The following DYNLL1 variants were observed in gnomAD, a reference collection of about 807,000 sequenced individuals.
DYNLL1 encodes dynein light chain LC8-type 1, also known as dynein light chain 1, cytoplasmic.
A neutral mutation model predicts 10.1 loss-of-function variants in DYNLL1; 3 were observed. The observed-to-expected ratio is 0.30, with a 90% CI of 0.14 to 0.77. The LOEUF is 0.77. Ranked by LOEUF, DYNLL1 falls within the 30% of genes least tolerant of loss-of-function variation. DYNLL1 has a pLI of 0.66. For missense variants in DYNLL1, 47 were observed against 111.7 expected, an observed-to-expected ratio of 0.42 and a Z score of 2.61; for synonymous variants, 46 against 41.2, an observed-to-expected ratio of 1.12 and a Z score of -0.45.
At chr12:120,480,949 T>C (rs907279907) in intron 1 of DYNLL1, among the ~76,000 whole-genome samples, 67 of 152,044 alleles carry the variant, frequency 4.4e-4, no homozygotes, top group Admixed American at 2.0e-3. Context: ...TTAGTAGACA[T>C]GGGGTTTCAC....
Position 120,496,114 on chromosome 12 carries a change from G to C in DYNLL1, c.-109G>C. ...GCGGCGGCTGGCGTGGGGCTGCTTA[G>C]ATGCGCCACGGTTTCGGTAGCGACG... On this transcript the variant is annotated 5_prime_UTR_variant, in exon 1 of 3. Coordinates refer to ENST00000242577, the MANE Select transcript of DYNLL1 (RefSeq NM_003746.3). The C allele has an allele frequency of 2.1e-6, 1 of 487,118 alleles. No homozygotes were observed. The highest frequency in any genetic ancestry group is 2.3e-5 in the South Asian group (1 of 43,778). 30.2% of individuals were successfully genotyped at this position (487,118 alleles called of 1,614,324 possible). A position where few individuals can be genotyped will look rare whatever the true frequency, so the allele number is the denominator to read the frequency against.
chr12:120,485,234 AGTTAT>A (rs1207816781), intron 1 of DYNLL1, among the ~76,000 whole-genome samples: 1 of 146,508 alleles, frequency 6.8e-6, no homozygotes, highest in Non-Finnish European at 1.5e-5. Flanking sequence ...ATAAGTAAAT[AGTTAT>A]GTTGTAGAAG....
chr12:120,497,744 A>C (rs1463194991), intron 2 of DYNLL1: 1 of 246,848 alleles, frequency 4.1e-6, no homozygotes, highest in Non-Finnish European at 7.8e-6. Context: ...GAACATGATA[A>C]ACTACACCTG....
At chr12:120,473,797 A>G (rs963291430) in intron 1 of DYNLL1, among the ~76,000 whole-genome samples, 2 of 151,652 alleles carry the variant, frequency 1.3e-5, no homozygotes, top group African/African-American at 2.4e-5. Context: ...TGATCCGCCC[A>G]TCTCGGCCTC....
chr12:120,476,336 T>A (rs1325501523), intron 1 of DYNLL1, among the ~76,000 whole-genome samples: 28 of 149,346 alleles, frequency 1.9e-4, no homozygotes, highest in African/African-American at 5.7e-4. Context: ...TAAAAAAAAA[T>A]AATAATAACT....
chr12:120,474,182 C>G (rs1448978973), intron 1 of DYNLL1, among the ~76,000 whole-genome samples: 1 of 151,848 alleles, frequency 6.6e-6, no homozygotes, highest in Non-Finnish European at 1.5e-5. Flanking sequence ...CACCCATAGT[C>G]CCAGCTACTT....
At chr12:120,483,480 ATCTC>A (rs530977522) in intron 1 of DYNLL1, among the ~76,000 whole-genome samples, 102 of 152,244 alleles carry the variant, frequency 6.7e-4, no homozygotes, top group Non-Finnish European at 1.1e-3. Flanking sequence ...AAACTTCTAG[ATCTC>A]TCTCCTGAGC....
intron 1 of DYNLL1, among the ~76,000 whole-genome samples, chr12:120,487,618 T>C (rs1365960437): frequency 6.6e-6 from 1 of 152,136 alleles, no homozygotes; most frequent in Non-Finnish European, 1.5e-5. Flanking sequence ...ACTTGACTTC[T>C]ATACACACTT....
intron 1 of DYNLL1, among the ~76,000 whole-genome samples, chr12:120,471,590 T>C (rs1320945238): frequency 6.6e-6 from 1 of 151,946 alleles, no homozygotes; most frequent in Non-Finnish European, 1.5e-5. Flanking sequence ...CCCTTCGATC[T>C]TGTAATTCTG....
At chr12:120,480,994 C>T (rs1794751) in intron 1 of DYNLL1, among the ~76,000 whole-genome samples, 40,523 of 152,072 alleles carry the variant, frequency 0.27, 6,558 homozygotes, top group Admixed American at 0.39. Context: ...CTCCTGACCT[C>T]GTGATCTGCC....
chr12:120,494,864 T>C (rs1879226406), upstream of DYNLL1, among the ~76,000 whole-genome samples: 1 of 152,176 alleles, frequency 6.6e-6, no homozygotes, highest in African/African-American at 2.4e-5. Context: ...TTATGGAGGT[T>C]CGAAAAATAC....
intron 1 of DYNLL1, among the ~76,000 whole-genome samples, chr12:120,487,885 A>G (rs1281984109): frequency 2.6e-5 from 4 of 152,226 alleles, no homozygotes. Flanking sequence ...CTGGTTACAG[A>G]GAATAGGAAT....
chr12:120,496,493 C>A lies in DYNLL1; in HGVS notation c.72C>A (p.Cys24Ter). The A allele has an allele frequency of 6.2e-7, 1 of 1,613,764 alleles. No homozygotes were observed. The highest frequency in any genetic ancestry group is 8.5e-7 in the Non-Finnish European group (1 of 1,179,948). Residue 24 changes from cysteine to a stop codon, truncating the protein, a stop_gained, in exon 2 of 3, where the codon TGC (cysteine) becomes TGA (stop). Coordinates refer to ENST00000242577, the MANE Select transcript of DYNLL1 (RefSeq NM_003746.3). LOFTEE classifies it high-confidence loss of function. ...SEEMQQDSVE[C>*]ATQALEKYNI... ...AGATGCAACAGGACTCGGTGGAGTG[C>A]GCTACTCAGGCGCTGGAGAAATACA...
chr12:120,496,573 CCGATA>C lies in DYNLL1; in HGVS notation c.132+23_132+27del. 1 of 1,613,768 alleles carries C rather than the reference CCGATA, an allele frequency of 6.2e-7. No homozygotes were observed. The highest frequency in any genetic ancestry group is 1.1e-5 in the South Asian group (1 of 91,070). On this transcript the variant is annotated intron_variant, in intron 2 of 2. Coordinates refer to ENST00000242577, the MANE Select transcript of DYNLL1 (RefSeq NM_003746.3). ...AAGAAGGTGAGGATGGGCGCGGGGG[CCGATA>C]CGCAGCCGGGAGCAGGGGGTTCCTT... is the stretch of plus-strand genomic sequence containing the variant.
upstream of DYNLL1, chr12:120,495,439 T>C (rs1464334996): frequency 6.6e-6 from 1 of 151,940 alleles, no homozygotes. Flanking sequence ...CCTTAATTCG[T>C]AAGGAAACAC....
chr12:120,475,091 A>G (rs761716173), intron 1 of DYNLL1, among the ~76,000 whole-genome samples: 4 of 152,138 alleles, frequency 2.6e-5, no homozygotes, highest in Non-Finnish European at 2.9e-5. Flanking sequence ...AAAAATGGGA[A>G]AGATAATTCA....
intron 1 of DYNLL1, among the ~76,000 whole-genome samples, chr12:120,489,169 T>C (rs1879064279): frequency 6.6e-6 from 1 of 152,208 alleles, no homozygotes; most frequent in Non-Finnish European, 1.5e-5. Context: ...CCCTCAGTGG[T>C]GATCTCATCC....
chr12:120,473,454 G>T (rs985688432), intron 1 of DYNLL1, among the ~76,000 whole-genome samples: 3 of 152,046 alleles, frequency 2.0e-5, no homozygotes, highest in Middle Eastern at 3.4e-3. Flanking sequence ...AGCACTTTGG[G>T]GAGGTCAAGG....
chr12:120,484,657 C>A (rs955144266), intron 1 of DYNLL1, among the ~76,000 whole-genome samples: 2 of 151,492 alleles, frequency 1.3e-5, no homozygotes, highest in Admixed American at 6.6e-5. Flanking sequence ...TTCATCAGAA[C>A]AAAGCACTGT....
Sources: allele counts gnomAD v4.1 joint callset (sites outside exome capture counted in the v4.1 genomes callset), GRCh38; gene constraint gnomAD v4.1.1; transcripts MANE v1.5; gene names NCBI Gene and HGNC (gene_info 2026-07-23, HGNC 2026-07-21).